Variants in TLE1 observed in about 807,000 individuals in gnomAD.
TLE1 encodes the protein transducin-like enhancer protein 1.
TLE1 carries 21 observed loss-of-function variants against 89.8 expected under a neutral mutation model. The observed-to-expected ratio is 0.23, with a 90% CI of 0.17 to 0.34. TLE1 has a LOEUF of 0.34. TLE1 is among the 10% of genes least tolerant of loss of function. TLE1 has a pLI of 1.00. For synonymous variants in TLE1, 447 were observed against 407.6 expected, an observed-to-expected ratio of 1.10 and a Z score of -1.16; for missense variants, 795 against 1,031.2, an observed-to-expected ratio of 0.77 and a Z score of 3.14.
chr9:81,630,318 TAAAACTCA>T (rs1260815251), intron 8 of TLE1, among the ~76,000 whole-genome samples: 2 of 152,160 alleles, frequency 1.3e-5, no homozygotes, highest in Non-Finnish European at 2.9e-5. Context: ...CTATCCTCTT[TAAAACTCA>T]ATAAACTACA....
At chr9:81,608,368 G>T (rs1823251515) in intron 14 of TLE1, among the ~76,000 whole-genome samples, 1 of 151,990 alleles carries the variant, frequency 6.6e-6, no homozygotes, top group Non-Finnish European at 1.5e-5. Flanking sequence ...TTAAAAATTG[G>T]CCAGGTATGG....
chr9:81,603,744 G>A lies in TLE1; in HGVS notation c.1331+6476C>T, dbSNP rs536531951. On this transcript the variant is annotated intron_variant, in intron 14 of 19. Coordinates refer to ENST00000376499, the MANE Select transcript of TLE1 (RefSeq NM_005077.5). ...AGGTCAGGCGTGGTGGCTCATGCCTGTAATCCCAGCACTTTGGGAGGCCAA... is the reference window on the plus strand; with the variant it reads ...AGGTCAGGCGTGGTGGCTCATGCCTATAATCCCAGCACTTTGGGAGGCCAA... 4.6e-5 allele frequency among the ~76,000 whole-genome samples: 7 copies of A among 152,314 alleles called. No homozygotes were observed. In the South Asian group the frequency reaches 1.5e-3, roughly 32 times the overall value.
At chr9:81,611,385 A>G (rs1170920954) in intron 13 of TLE1, among the ~76,000 whole-genome samples, 1 of 152,236 alleles carries the variant, frequency 6.6e-6, no homozygotes, top group Non-Finnish European at 1.5e-5. Flanking sequence ...TGAGAAAAAA[A>G]AAGTTCAAGA....
At chr9:81,652,187 A>T (rs774850764) in intron 6 of TLE1, 27 bp downstream of exon 6, 1 of 1,610,506 alleles carries the variant, frequency 6.2e-7, no homozygotes, top group South Asian at 1.1e-5. Flanking sequence ...TACACACTGT[A>T]GGAGGTAGAC....
Position 81,585,570 on chromosome 9 carries a change from T to C in TLE1, c.2063A>G (p.Lys688Arg), listed in dbSNP as rs765546549. 3.1e-6 allele frequency: 5 copies of C among 1,614,066 alleles called. No homozygotes were observed. Among genetic ancestry groups the C allele is most frequent in the East Asian group, 2.2e-5 (1 of 44,890 alleles). ...SSNVEVLHVN[K>R]PDKYQLHLHE... is the part of the protein sequence containing the mutation. ...CAGGTGCAGCTGGTACTTGTCAGGC[T>C]TGTTCACGTGCAGCACCTCCACATT... Residue 688 changes from lysine (K) to arginine (R), a missense_variant, in exon 18 of 20, where the codon AAG becomes AGG. Transcript: ENST00000376499.
chr9:81,621,159 G>A (rs1020854407), intron 8 of TLE1, among the ~76,000 whole-genome samples: 1 of 152,200 alleles, frequency 6.6e-6, no homozygotes, highest in African/African-American at 2.4e-5. Context: ...ATTTCAGCCA[G>A]TGAATCTTCA....
chr9:81,621,526 C>G (rs1280076954), intron 8 of TLE1, among the ~76,000 whole-genome samples: 1 of 152,180 alleles, frequency 6.6e-6, no homozygotes, highest in Non-Finnish European at 1.5e-5. Context: ...TGTTTGAGCA[C>G]TAAGAGGACA....
rs181901157 is a variant in TLE1 at position 81,688,884 on chromosome 9, G to C, written c.-644C>G. ...GACGCAGCGGAGGCTCCTGGCCGGG[G>C]AGCGACGGATGACGAGGCGGGGAAA... On this transcript the variant is annotated 5_prime_UTR_variant, in exon 1 of 20. Coordinates refer to ENST00000376499, the MANE Select transcript of TLE1 (RefSeq NM_005077.5). 1.3e-5 allele frequency: 2 copies of C among 152,522 alleles called. No homozygotes were observed. The highest frequency in any genetic ancestry group is 4.8e-5 in the African/African-American group (2 of 41,598). The allele number at this position is 152,522 out of a possible 1,614,324, so 9.4% of individuals were successfully genotyped here. A position where few individuals can be genotyped will look rare whatever the true frequency, so the allele number is the denominator to read the frequency against.
intron 14 of TLE1, among the ~76,000 whole-genome samples, chr9:81,606,594 A>T (rs1235986703): frequency 1.3e-5 from 2 of 152,102 alleles, no homozygotes; most frequent in Non-Finnish European, 2.9e-5. Context: ...ACTTGGACAC[A>T]GGTGGGGAAC....
intron 4 of TLE1, among the ~76,000 whole-genome samples, chr9:81,674,230 T>C (rs929069834): frequency 1.3e-5 from 2 of 152,230 alleles, no homozygotes; most frequent in Non-Finnish European, 2.9e-5. Flanking sequence ...CTGTAATACA[T>C]TTACTGCAAA....
chr9:81,600,762 G>T (rs1177275618), intron 14 of TLE1, among the ~76,000 whole-genome samples: 1 of 152,110 alleles, frequency 6.6e-6, no homozygotes, highest in East Asian at 1.9e-4. Context: ...GCTGTTTCTA[G>T]AAGAGATTAG....
At chr9:81,612,428 G>A in intron 12 of TLE1, 1 of 921,122 alleles carries the variant, frequency 1.1e-6, no homozygotes, top group Non-Finnish European at 1.3e-6. Flanking sequence ...GGGTTTAGGA[G>A]GAATATTCTG....
intron 4 of TLE1, among the ~76,000 whole-genome samples, chr9:81,658,583 T>C (rs1470297576): frequency 1.3e-5 from 2 of 152,180 alleles, no homozygotes; most frequent in Non-Finnish European, 2.9e-5. Flanking sequence ...TGGACTGTTC[T>C]ATTAACAAGC....
intron 14 of TLE1, among the ~76,000 whole-genome samples, chr9:81,593,488 T>C (rs1829823674): frequency 1.3e-5 from 2 of 152,178 alleles, no homozygotes; most frequent in African/African-American, 2.4e-5. Context: ...AAATGACATA[T>C]ATATTGAACT....
chr9:81,590,328 A>G (rs1227438155), intron 16 of TLE1, among the ~76,000 whole-genome samples: 1 of 152,180 alleles, frequency 6.6e-6, no homozygotes, highest in Non-Finnish European at 1.5e-5. Context: ...GGTCTATTTC[A>G]TTATTGAGAT....
At chr9:81,675,708 G>GTTTTTTTTTTTTTTTTTTTTTTTTTTTT (rs61458315) in intron 4 of TLE1, among the ~76,000 whole-genome samples, 3 of 132,438 alleles carry the variant, frequency 2.3e-5, no homozygotes, top group Admixed American at 7.6e-5. Context: ...GTTTTTTTTT[G>GTTTTTTTTTTTTTTTTTTTTTTTTTTTT]TTTTTTTTTT....
At chr9:81,681,281 G>A (rs1833591634) in intron 4 of TLE1, among the ~76,000 whole-genome samples, 1 of 152,124 alleles carries the variant, frequency 6.6e-6, no homozygotes, top group African/African-American at 2.4e-5. Context: ...CGGGCACAGT[G>A]GTTTATGCCT....
intron 4 of TLE1, among the ~76,000 whole-genome samples, chr9:81,667,349 G>T (rs1029602121): frequency 2.4e-5 from 3 of 127,092 alleles, no homozygotes; most frequent in Non-Finnish European, 1.6e-5. Flanking sequence ...TGAGCCGAGA[G>T]ATCACTCCAG....
At chr9:81,590,749 G>A (rs1829367554) in intron 16 of TLE1, 56 bp downstream of exon 16, 3 of 1,583,650 alleles carry the variant, frequency 1.9e-6, no homozygotes, top group African/African-American at 2.7e-5. Context: ...AAGCAGAGGT[G>A]ATAGGCCCAG....
Sources: allele counts gnomAD v4.1 joint callset (sites outside exome capture counted in the v4.1 genomes callset), GRCh38; gene constraint gnomAD v4.1.1; transcripts MANE v1.5; gene names NCBI Gene and HGNC (gene_info 2026-07-23, HGNC 2026-07-21).